Variants in IGF2BP2 observed in about 807,000 individuals in gnomAD.
IGF2BP2 encodes insulin like growth factor 2 mRNA binding protein 2, also known as insulin-like growth factor 2 mRNA-binding protein 2.
IGF2BP2 carries 17 observed loss-of-function variants against 75.8 expected under a neutral mutation model. That is an observed-to-expected ratio of 0.22 (90% CI 0.15 to 0.34). The LOEUF (loss-of-function observed/expected upper bound fraction) is 0.34. Among genes scored for constraint, IGF2BP2 ranks in the 10% least tolerant of loss-of-function variants. The pLI is 1.00. For synonymous variants in IGF2BP2, 288 were observed against 295.6 expected, an observed-to-expected ratio of 0.97 and a Z score of 0.26; for missense variants, 516 against 772.4, an observed-to-expected ratio of 0.67 and a Z score of 3.93.
At chr3:185,774,857 T>C (rs1734340925) in intron 2 of IGF2BP2, among the ~76,000 whole-genome samples, 1 of 151,528 alleles carries the variant, frequency 6.6e-6, no homozygotes, top group African/African-American at 2.4e-5. Flanking sequence ...CCGTCTCTAC[T>C]AAAAATACAA....
intron 7 of IGF2BP2, among the ~76,000 whole-genome samples, chr3:185,676,992 A>ATATATATATGGAGAGAT (rs1553855504): frequency 7.4e-4 from 100 of 135,942 alleles, no homozygotes; most frequent in Non-Finnish European, 1.4e-3. Context: ...ATATGGAGAT[A>ATATATATATGGAGAGAT]TATATATATG....
intron 2 of IGF2BP2, among the ~76,000 whole-genome samples, chr3:185,738,555 A>G (rs1321352523): frequency 3.3e-5 from 5 of 152,226 alleles, no homozygotes; most frequent in African/African-American, 1.2e-4. Context: ...GAATCCAGGC[A>G]GAGGAACCAG....
chr3:185,738,458 A>G lies in IGF2BP2; in HGVS notation c.240-40111T>C, dbSNP rs79364545. 5.6e-3 allele frequency among the ~76,000 whole-genome samples: 859 copies of G among 152,336 alleles called. 4 individuals carry two copies. The highest frequency in any genetic ancestry group is 0.02 in the African/African-American group (827 of 41,586). Reference sequence around the variant, plus strand: ...GAGGCAGGAACAGCCTAGGGGAGTCAGGAAGGGCTTCAGGGAGGTGGCAAT... The same window carrying G: ...GAGGCAGGAACAGCCTAGGGGAGTCGGGAAGGGCTTCAGGGAGGTGGCAAT... On this transcript the variant is annotated intron_variant, in intron 2 of 15. Transcript: ENST00000382199.
intron 2 of IGF2BP2, among the ~76,000 whole-genome samples, chr3:185,764,866 C>A (rs1380904495): frequency 6.6e-6 from 1 of 152,146 alleles, no homozygotes; most frequent in African/African-American, 2.4e-5. Context: ...GCCTTGCCCC[C>A]AGCTCTGAGA....
At chr3:185,757,459 CTTTTTTTTT>C (rs57417087) in intron 2 of IGF2BP2, among the ~76,000 whole-genome samples, 7 of 99,610 alleles carry the variant, frequency 7.0e-5, no homozygotes, top group South Asian at 3.2e-4. Flanking sequence ...ATATCTCATA[CTTTTTTTTT>C]TTTTTTTTTT....
intron 2 of IGF2BP2, among the ~76,000 whole-genome samples, chr3:185,785,124 C>A (rs1014738838): frequency 4.0e-4 from 60 of 151,684 alleles, no homozygotes; most frequent in Admixed American, 1.3e-3. Flanking sequence ...AACATGGAGA[C>A]ACCCAGCCTC....
chr3:185,761,549 T>C (rs989175236), intron 2 of IGF2BP2, among the ~76,000 whole-genome samples: 2 of 152,162 alleles, frequency 1.3e-5, no homozygotes, highest in African/African-American at 4.8e-5. Context: ...GGGGTACTGG[T>C]TGCTTTACTC....
chr3:185,823,246 T>C (rs1311129841), intron 1 of IGF2BP2, 33 bp from the exon 2 acceptor site: 3 of 1,562,134 alleles, frequency 1.9e-6, no homozygotes, highest in Admixed American at 3.6e-5. Context: ...CTCAGAACCT[T>C]GCTTAGATCA....
intron 10 of IGF2BP2, among the ~76,000 whole-genome samples, chr3:185,669,800 G>C (rs1718240475): frequency 1.3e-5 from 2 of 152,184 alleles, no homozygotes; most frequent in Admixed American, 1.3e-4. Flanking sequence ...AATACTTTAA[G>C]TATTTAAAGT....
chr3:185,690,715 A>G (rs1317695141), intron 5 of IGF2BP2, among the ~76,000 whole-genome samples: 1 of 152,212 alleles, frequency 6.6e-6, no homozygotes, highest in Admixed American at 6.5e-5. Flanking sequence ...AACATTTATG[A>G]TCCCATAGCA....
chr3:185,717,262 T>C (rs1321656036), intron 2 of IGF2BP2: 1 of 171,630 alleles, frequency 5.8e-6, no homozygotes, highest in Non-Finnish European at 1.3e-5. Flanking sequence ...ACCACCCAGA[T>C]ACGTGACTCT....
chr3:185,792,189 T>C (rs1413169125), intron 2 of IGF2BP2, among the ~76,000 whole-genome samples: 1 of 152,220 alleles, frequency 6.6e-6, no homozygotes, highest in Non-Finnish European at 1.5e-5. Context: ...TGTTAAAAAG[T>C]AGATGATTAC....
At chr3:185,803,161 G>A (rs1453028995) in intron 2 of IGF2BP2, among the ~76,000 whole-genome samples, 1 of 152,290 alleles carries the variant, frequency 6.6e-6, no homozygotes, top group East Asian at 1.9e-4. Context: ...GACCAGCCTA[G>A]CTAACATGGT....
At chr3:185,706,266 G>GT (rs1560327620) in intron 2 of IGF2BP2, among the ~76,000 whole-genome samples, 1 of 152,202 alleles carries the variant, frequency 6.6e-6, no homozygotes, top group Non-Finnish European at 1.5e-5. Flanking sequence ...GCCAGGTGTG[G>GT]TAGCACATGC....
At chr3:185,707,454 G>A (rs547555349) in intron 2 of IGF2BP2, among the ~76,000 whole-genome samples, 14 of 151,472 alleles carry the variant, frequency 9.2e-5, no homozygotes, top group African/African-American at 2.9e-4. Context: ...GACTACAGGC[G>A]CCCACTACCA....
chr3:185,689,063 T>C (rs992474500), intron 6 of IGF2BP2: 3 of 324,768 alleles, frequency 9.2e-6, no homozygotes, highest in African/African-American at 4.3e-5. Context: ...TCCAAACCTC[T>C]GCTTTTGTAG....
chr3:185,651,058 G>A (rs1714512671), intron 13 of IGF2BP2, among the ~76,000 whole-genome samples: 2 of 151,948 alleles, frequency 1.3e-5, no homozygotes, highest in Non-Finnish European at 2.9e-5. Context: ...ACAGGTACAT[G>A]CTACCACACC....
chr3:185,731,424 T>G (rs1728157739), intron 2 of IGF2BP2, among the ~76,000 whole-genome samples: 1 of 151,894 alleles, frequency 6.6e-6, no homozygotes, highest in Admixed American at 6.6e-5. Flanking sequence ...TTTTGTATTT[T>G]TAATAGAGAC....
rs763649914 is a variant in IGF2BP2 at position 185,692,800 on chromosome 3, A to G, written c.341-38T>C. The G allele has an allele frequency of 7.5e-6, 12 of 1,595,456 alleles. No homozygotes were observed. The South Asian group carries it at 1.2e-4, about 16-fold the overall frequency. On this transcript the variant is annotated intron_variant, in intron 4 of 15. Coordinates refer to ENST00000382199, the MANE Select transcript of IGF2BP2 (RefSeq NM_006548.6). ...CAAAAACTACACTGTCATAGGAAAA[A>G]GTGCTGTCACCCTCTGGCTTAATGT... is the stretch of plus-strand genomic sequence containing the variant.
Sources: gnomAD v4.1 joint callset for allele counts (sites outside exome capture counted in the v4.1 genomes callset) on GRCh38, gnomAD v4.1.1 for gene constraint, MANE v1.5 for transcripts, NCBI Gene and HGNC (gene_info 2026-07-23, HGNC 2026-07-21) for gene names.